Variants in SSH2 observed in about 807,000 individuals in gnomAD.
The protein encoded by SSH2 is protein phosphatase Slingshot homolog 2.
Under a neutral mutation model 135.2 loss-of-function variants are expected in SSH2, and 37 were observed. The ratio of observed to expected loss-of-function variants is 0.27; its 90% confidence interval spans 0.21 to 0.36. The LOEUF (loss-of-function observed/expected upper bound fraction) is 0.36, where lower values mean the gene tolerates loss of function less well. Among genes scored for constraint, SSH2 ranks in the 10% least tolerant of loss-of-function variants. SSH2 has a pLI of 1.00. For synonymous variants in SSH2, 628 were observed against 646.2 expected, an observed-to-expected ratio of 0.97 and a Z score of 0.43; for missense variants, 1,408 against 1,765.3, an observed-to-expected ratio of 0.80 and a Z score of 3.63.
intron 1 of SSH2, among the ~76,000 whole-genome samples, chr17:29,889,304 G>A (rs2066302448): frequency 6.6e-6 from 1 of 152,034 alleles, no homozygotes; most frequent in Non-Finnish European, 1.5e-5. Flanking sequence ...AAATTAGCTG[G>A]GCATGGTGGC....
rs746991347 is a variant in SSH2, at chr17:29,848,974, C to T, written c.64-45G>A. Reference sequence around the variant, plus strand: ...ATTTCAGAGATCCAAACGAATGGGCCCATAAGCACGAGGGGAAAAGCAAGC... The same window carrying T: ...ATTTCAGAGATCCAAACGAATGGGCTCATAAGCACGAGGGGAAAAGCAAGC... On this transcript the variant is annotated intron_variant, in intron 1 of 15. Transcript: ENST00000540801. 8 of 1,350,670 alleles carry T rather than the reference C, an allele frequency of 5.9e-6. No homozygotes were observed. The South Asian group carries it at 1.0e-4, about 17-fold the overall frequency. 83.7% of individuals were successfully genotyped at this position (1,350,670 alleles called of 1,614,324 possible).
intron 1 of SSH2, among the ~76,000 whole-genome samples, chr17:29,880,534 T>G (rs931888767): frequency 6.6e-6 from 1 of 152,194 alleles, no homozygotes; most frequent in Admixed American, 6.5e-5. Context: ...TGGTATTTAT[T>G]TTTAATTAAT....
intron 2 of SSH2, among the ~76,000 whole-genome samples, chr17:29,797,946 G>A (rs1252575396): frequency 1.3e-5 from 2 of 151,756 alleles, no homozygotes; most frequent in African/African-American, 4.8e-5. Context: ...TTTTTGGGGG[G>A]GATTGACATA....
chr17:29,821,992 T>A (rs926775528), intron 2 of SSH2, among the ~76,000 whole-genome samples: 1 of 152,208 alleles, frequency 6.6e-6, no homozygotes, highest in East Asian at 1.9e-4. Flanking sequence ...TTCATGGTCA[T>A]AAGAAACTGG....
At chr17:29,803,405 T>C (rs769670970) in intron 2 of SSH2, among the ~76,000 whole-genome samples, 1 of 152,164 alleles carries the variant, frequency 6.6e-6, no homozygotes, top group Non-Finnish European at 1.5e-5. Context: ...AAATGTAAAC[T>C]GGAGTGCCTA....
chr17:29,708,422 G>A (rs898513715), intron 3 of SSH2, among the ~76,000 whole-genome samples: 18 of 151,322 alleles, frequency 1.2e-4, no homozygotes, highest in Admixed American at 5.3e-4. Flanking sequence ...ACCCCATCTC[G>A]ACTAAAAATA....
At position 29,627,813 on chromosome 17, in the gene SSH2, C is replaced by G. The variant is rs1011513930; in HGVS notation, c.*3028G>C. The G allele has an allele frequency of 6.6e-6, 1 of 152,456 alleles. No individual in the cohort carries two copies. Among genetic ancestry groups the G allele is most frequent in the Non-Finnish European group, 1.5e-5 (1 of 68,050 alleles). 9.4% of individuals were successfully genotyped at this position (152,456 alleles called of 1,614,324 possible). A position where few individuals can be genotyped will look rare whatever the true frequency, so the allele number is the denominator to read the frequency against. ...CCAGGTTCAGCTCAAGTTCTGTATG[C>G]TCCTGGGGCTTTTACCCCATACACC... On this transcript the variant is annotated 3_prime_UTR_variant, in exon 16 of 16. Coordinates refer to ENST00000540801, the MANE Select transcript of SSH2 (RefSeq NM_001282129.2).
intron 4 of SSH2, among the ~76,000 whole-genome samples, chr17:29,696,509 CA>C (rs1260627829): frequency 2.8e-5 from 4 of 142,118 alleles, no homozygotes; most frequent in South Asian, 2.3e-4. Context: ...GACTCCATCT[CA>C]AAAAAAAATT....
chr17:29,766,413 G>A (rs1270159879), intron 3 of SSH2, among the ~76,000 whole-genome samples: 5 of 151,524 alleles, frequency 3.3e-5, no homozygotes, highest in East Asian at 1.9e-4. Flanking sequence ...AGCTAAGATC[G>A]CGCCACTGCA....
intron 1 of SSH2, among the ~76,000 whole-genome samples, chr17:29,914,691 G>A (rs1249285811): frequency 6.6e-6 from 1 of 151,878 alleles, no homozygotes; most frequent in Non-Finnish European, 1.5e-5. Flanking sequence ...CATTAAATGA[G>A]GATGCAAATG....
At chr17:29,920,034 G>A (rs975049560) in intron 1 of SSH2, among the ~76,000 whole-genome samples, 5 of 152,082 alleles carry the variant, frequency 3.3e-5, no homozygotes, top group Admixed American at 2.6e-4. Context: ...AGCCTCCCGA[G>A]TAGCTGGGAT....
chr17:29,650,294 T>C (rs910045668), intron 13 of SSH2, among the ~76,000 whole-genome samples: 3 of 152,250 alleles, frequency 2.0e-5, no homozygotes, highest in African/African-American at 7.2e-5. Context: ...ACCAGTATTC[T>C]ATCTATCTGA....
At chr17:29,909,863 T>C (rs1599179344) in intron 1 of SSH2, among the ~76,000 whole-genome samples, 1 of 152,242 alleles carries the variant, frequency 6.6e-6, no homozygotes, top group Non-Finnish European at 1.5e-5. Flanking sequence ...AGTACGACTT[T>C]ATTTTCAGTA....
intron 9 of SSH2, among the ~76,000 whole-genome samples, chr17:29,669,560 T>C (rs771361600): frequency 1.9e-4 from 29 of 152,128 alleles, no homozygotes; most frequent in Non-Finnish European, 3.2e-4. Flanking sequence ...CTCAATTTCA[T>C]TGGAGAAAAA....
chr17:29,717,607 G>T (rs1350340831), intron 3 of SSH2, among the ~76,000 whole-genome samples: 2 of 152,244 alleles, frequency 1.3e-5, no homozygotes, highest in Non-Finnish European at 2.9e-5. Context: ...GAGTAACAGG[G>T]AGTGCTGCTG....
Position 29,786,921 on chromosome 17 carries a change from C to CTCAA in SSH2, c.188+6969_188+6972dup, listed in dbSNP as rs1393069143. On this transcript the variant is annotated intron_variant, in intron 3 of 15. Coordinates refer to ENST00000540801, the MANE Select transcript of SSH2 (RefSeq NM_001282129.2). ...CCTGTGTGGCAGAGCAAGACCCTGTCTCAATCAATCAATCACAAAAAGGGG... is the reference window on the plus strand; with the variant it reads ...CCTGTGTGGCAGAGCAAGACCCTGTCTCAATCAATCAATCAATCACAAAAAGGGG... Among the ~76,000 whole-genome samples, 11 of 152,282 alleles carry CTCAA rather than the reference C, an allele frequency of 7.2e-5. No individual in the cohort carries two copies. The South Asian group carries it at 1.5e-3, about 20-fold the overall frequency.
intron 5 of SSH2, 92 bp downstream of exon 5, chr17:29,695,367 G>A: frequency 1.1e-6 from 1 of 900,712 alleles, no homozygotes; most frequent in Non-Finnish European, 1.8e-6. Context: ...ATAGTTCCCA[G>A]CACTGTGTTG....
chr17:29,856,226 C>T, intron 1 of SSH2: 1 of 315,834 alleles, frequency 3.2e-6, no homozygotes, highest in Admixed American at 4.4e-5. Flanking sequence ...TCAAATTCAA[C>T]TGCTTTGATT....
chr17:29,796,426 C>T (rs912411448), intron 2 of SSH2, among the ~76,000 whole-genome samples: 11 of 152,178 alleles, frequency 7.2e-5, no homozygotes, highest in African/African-American at 2.2e-4. Flanking sequence ...CTACAACCTC[C>T]ACCTCGTGGG....
Sources: allele counts gnomAD v4.1 joint callset (sites outside exome capture counted in the v4.1 genomes callset), GRCh38; gene constraint gnomAD v4.1.1; transcripts MANE v1.5; gene names NCBI Gene and HGNC (gene_info 2026-07-23, HGNC 2026-07-21).